Variants in ADGRG6 observed in about 807,000 individuals in gnomAD.
ADGRG6 encodes the protein G-protein coupled receptor 126.
In ADGRG6, 84 loss-of-function variants were observed where a neutral mutation model predicts 142.4. The ratio of observed to expected loss-of-function variants is 0.59; its 90% confidence interval spans 0.49 to 0.71. The LOEUF is 0.71. Among genes scored for constraint, ADGRG6 ranks in the 30% least tolerant of loss-of-function variants. The pLI is 0.00. For synonymous variants in ADGRG6, 521 were observed against 520.5 expected, an observed-to-expected ratio of 1.00 and a Z score of -0.01; for missense variants, 1,367 against 1,466.6, an observed-to-expected ratio of 0.93 and a Z score of 1.11.
intron 2 of ADGRG6, among the ~76,000 whole-genome samples, chr6:142,312,709 C>A (rs1190367978): frequency 6.6e-6 from 1 of 151,902 alleles, no homozygotes; most frequent in Non-Finnish European, 1.5e-5. Flanking sequence ...TAGGCATATA[C>A]CCTATAAAAT....
chr6:142,315,382 A>G (rs1777993882), intron 2 of ADGRG6, among the ~76,000 whole-genome samples: 1 of 151,972 alleles, frequency 6.6e-6, no homozygotes, highest in South Asian at 2.1e-4. Flanking sequence ...AAAAAAACAG[A>G]ATGGAGAACC....
At chr6:142,302,356 AT>A in intron 1 of ADGRG6, 25 bp downstream of exon 1, 1 of 1,611,246 alleles carries the variant, frequency 6.2e-7, no homozygotes, top group African/African-American at 1.3e-5. Context: ...TCAGCTTGGA[AT>A]TCCTTCACTC....
chr6:142,398,611 G>T (rs1272223418), intron 10 of ADGRG6, among the ~76,000 whole-genome samples: 1 of 152,122 alleles, frequency 6.6e-6, no homozygotes, highest in Non-Finnish European at 1.5e-5. Context: ...TCCACAAAGA[G>T]GCTGTGCTGC....
rs1339538823 is a variant in ADGRG6 at position 142,317,774 on chromosome 6, ATATATATT to A, written c.103+8138_103+8145del. Among the ~76,000 whole-genome samples the A allele has an allele frequency of 2.6e-3, 247 of 96,598 alleles. 4 individuals carry two copies. Among genetic ancestry groups the A allele is most frequent in the African/African-American group, 0.01 (236 of 23,336 alleles). 63.4% of individuals were successfully genotyped at this position (96,598 alleles called of 152,430 possible). A position where few individuals can be genotyped will look rare whatever the true frequency, so the allele number is the denominator to read the frequency against. On this transcript the variant is annotated intron_variant, in intron 2 of 24. Transcript: ENST00000367609. Reference sequence around the variant, plus strand: ...TATTTATATTATATATATTTATATCATATATATTTATATATAATATATATATTATATAT... The same window carrying A: ...TATTTATATTATATATATTTATATCATATATATAATATATATATTATATAT...
At position 142,443,544 on chromosome 6, in the gene ADGRG6, A is replaced by C. The variant is rs776892887; in HGVS notation, c.*29A>C. 2 of 1,522,664 alleles carry C rather than the reference A, an allele frequency of 1.3e-6. No individual in the cohort carries two copies. Among genetic ancestry groups the C allele is most frequent in the Non-Finnish European group, 1.8e-6 (2 of 1,107,490 alleles). 94.3% of individuals were successfully genotyped at this position (1,522,664 alleles called of 1,614,324 possible). On this transcript the variant is annotated 3_prime_UTR_variant, in exon 25 of 25. Transcript: ENST00000367609. Reference sequence around the variant, plus strand: ...CTTTAAGAAAAAGAAATCAATCTGCAGAAATGTGAAGATTTGCAAGCAGTG... The same window carrying C: ...CTTTAAGAAAAAGAAATCAATCTGCCGAAATGTGAAGATTTGCAAGCAGTG...
chr6:142,389,150 GTT>G (rs983068241), intron 6 of ADGRG6, among the ~76,000 whole-genome samples: 1 of 151,862 alleles, frequency 6.6e-6, no homozygotes, highest in African/African-American at 2.4e-5. Context: ...AATTTATATT[GTT>G]TAGCACAAGA....
chr6:142,388,813 A>C (rs1782159401), intron 6 of ADGRG6, among the ~76,000 whole-genome samples: 1 of 152,062 alleles, frequency 6.6e-6, no homozygotes, highest in Non-Finnish European at 1.5e-5. Context: ...TAAGTAGGGA[A>C]GCTTCTGTAT....
chr6:142,381,633 A>G (rs1781774259), intron 4 of ADGRG6, among the ~76,000 whole-genome samples: 1 of 152,204 alleles, frequency 6.6e-6, no homozygotes, highest in Non-Finnish European at 1.5e-5. Flanking sequence ...ATTTGTATGA[A>G]TTCCCACCCA....
chr6:142,390,079 T>C (rs1156644574), intron 6 of ADGRG6, among the ~76,000 whole-genome samples, 179 bp from the exon 7 acceptor site: 2 of 151,842 alleles, frequency 1.3e-5, no homozygotes, highest in Non-Finnish European at 3.0e-5. Context: ...CATCAAAATA[T>C]TTCAGAACTT....
At position 142,302,325 on chromosome 6, in the gene ADGRG6, T is replaced by G. The variant is rs373375894; in HGVS notation, c.-5T>G. 1.9e-6 allele frequency: 3 copies of G among 1,612,958 alleles called. No individual in the cohort carries two copies. The highest frequency in any genetic ancestry group is 2.5e-6 in the Non-Finnish European group (3 of 1,179,424). ...CAAAGGGGACCTCGGCGCAGTAATGTCAACATGTAAGTCTCACCTTTCAGC... is the reference window on the plus strand; with the variant it reads ...CAAAGGGGACCTCGGCGCAGTAATGGCAACATGTAAGTCTCACCTTTCAGC... On this transcript the variant is annotated 5_prime_UTR_variant, in exon 1 of 25. Transcript: ENST00000367609.
chr6:142,328,224 AC>A (rs1322372191), intron 2 of ADGRG6, among the ~76,000 whole-genome samples: 1 of 152,128 alleles, frequency 6.6e-6, no homozygotes, highest in Non-Finnish European at 1.5e-5. Context: ...TTTTTTTGAG[AC>A]AAGGTCTTGC....
At chr6:142,342,981 C>G (rs1202081275) in intron 2 of ADGRG6, among the ~76,000 whole-genome samples, 1 of 151,282 alleles carries the variant, frequency 6.6e-6, no homozygotes, top group Non-Finnish European at 1.5e-5. Context: ...TGAATGGATT[C>G]TTAATATAAA....
chr6:142,425,601 G>C (rs934372074), intron 22 of ADGRG6, among the ~76,000 whole-genome samples: 1 of 152,178 alleles, frequency 6.6e-6, no homozygotes, highest in African/African-American at 2.4e-5. Context: ...TTAGCTTGCA[G>C]GGAGGCACCT....
At chr6:142,376,055 T>A (rs1017478151) in intron 4 of ADGRG6, among the ~76,000 whole-genome samples, 6 of 152,206 alleles carry the variant, frequency 3.9e-5, no homozygotes, top group Middle Eastern at 3.2e-3. Context: ...ACGAAATGTT[T>A]ATTTAGCAGT....
chr6:142,440,003 A>G (rs1400944666), intron 24 of ADGRG6, among the ~76,000 whole-genome samples: 1 of 152,196 alleles, frequency 6.6e-6, no homozygotes, highest in East Asian at 1.9e-4. Context: ...CTTATCAGTT[A>G]TTAATGAATA....
At chr6:142,334,763 T>A (rs1303270959) in intron 2 of ADGRG6, among the ~76,000 whole-genome samples, 1 of 152,220 alleles carries the variant, frequency 6.6e-6, no homozygotes, top group East Asian at 1.9e-4. Context: ...TTTTTCTCTT[T>A]CATACTCAGT....
chr6:142,371,514 C>T (rs1200723270), intron 4 of ADGRG6, among the ~76,000 whole-genome samples: 7 of 140,278 alleles, frequency 5.0e-5, no homozygotes, highest in South Asian at 2.3e-4. Flanking sequence ...GACAGAGTCT[C>T]GCTATGCTGC....
At chr6:142,363,906 C>T (rs1780829394) in intron 2 of ADGRG6, among the ~76,000 whole-genome samples, 1 of 151,962 alleles carries the variant, frequency 6.6e-6, no homozygotes, top group Admixed American at 6.6e-5. Flanking sequence ...TATTTTAGGG[C>T]TATGAAACTC....
chr6:142,318,904 T>C (rs759966524), intron 2 of ADGRG6, among the ~76,000 whole-genome samples: 2 of 152,036 alleles, frequency 1.3e-5, no homozygotes, highest in Non-Finnish European at 2.9e-5. Context: ...CAAAGCTGAA[T>C]GAGGACTTCC....
Sources: gnomAD v4.1 joint callset for allele counts (sites outside exome capture counted in the v4.1 genomes callset) on GRCh38, gnomAD v4.1.1 for gene constraint, MANE v1.5 for transcripts, NCBI Gene and HGNC (gene_info 2026-07-23, HGNC 2026-07-21) for gene names.